Variants in CEP170 observed in about 807,000 individuals in gnomAD.
CEP170 encodes centrosomal protein of 170 kDa.
Under a neutral mutation model 151.9 loss-of-function variants are expected in CEP170, and 21 were observed. That is an observed-to-expected ratio of 0.14 (90% CI 0.10 to 0.20). CEP170 has a LOEUF of 0.20. Ranked by LOEUF, CEP170 falls within the 10% of genes least tolerant of loss-of-function variation. CEP170 has a pLI of 1.00. For missense variants in CEP170, 964 were observed against 1,892.9 expected, an observed-to-expected ratio of 0.51 and a Z score of 9.11; for synonymous variants, 356 against 648.8, an observed-to-expected ratio of 0.55 and a Z score of 6.86.
chr1:243,170,513 G>A (rs2058755377), intron 11 of CEP170, among the ~76,000 whole-genome samples: 1 of 152,210 alleles, frequency 6.6e-6, no homozygotes, highest in African/African-American at 2.4e-5. Context: ...GTAAGTACAG[G>A]CCAGGTGTGG....
intron 4 of CEP170, among the ~76,000 whole-genome samples, chr1:243,208,916 T>C (rs879752471): frequency 5.9e-5 from 9 of 151,822 alleles, no homozygotes; most frequent in Non-Finnish European, 1.3e-4. Flanking sequence ...ATTTAATAAA[T>C]AATTAGGAAA....
At chr1:243,189,331 TGG>T (rs2060135117) in intron 8 of CEP170, among the ~76,000 whole-genome samples, 2 of 151,744 alleles carry the variant, frequency 1.3e-5, no homozygotes, top group East Asian at 3.9e-4. Context: ...CTAAGGTGGG[TGG>T]ATCACGAGGT....
At chr1:243,242,376 G>A (rs945334602) in intron 1 of CEP170, among the ~76,000 whole-genome samples, 6 of 151,942 alleles carry the variant, frequency 3.9e-5, no homozygotes, top group African/African-American at 9.7e-5. Flanking sequence ...CCGCCACCAC[G>A]CCCGGCTAAT....
intron 1 of CEP170, among the ~76,000 whole-genome samples, chr1:243,241,431 T>C (rs184616271): frequency 6.6e-6 from 1 of 152,194 alleles, no homozygotes; most frequent in Non-Finnish European, 1.5e-5. Context: ...TCTATAAAGG[T>C]ATTTTAAAAT....
chr1:243,240,264 C>T (rs939479486), intron 1 of CEP170, among the ~76,000 whole-genome samples: 3 of 152,056 alleles, frequency 2.0e-5, no homozygotes, highest in South Asian at 2.1e-4. Context: ...GAGCTGAGAT[C>T]ACGCCATTGC....
chr1:243,161,392 G>A (rs992769577), intron 13 of CEP170, among the ~76,000 whole-genome samples: 2 of 151,376 alleles, frequency 1.3e-5, no homozygotes, highest in Non-Finnish European at 2.9e-5. Context: ...TTACATCAGA[G>A]AAACATACAG....
intron 2 of CEP170, 85 bp from the exon 3 acceptor site, chr1:243,221,898 T>C (rs1282102787): frequency 1.7e-6 from 2 of 1,170,080 alleles, no homozygotes; most frequent in Admixed American, 5.0e-5. Flanking sequence ...CTAATATTAA[T>C]AGGACAGTAA....
chr1:243,164,877 G>A lies in CEP170; in HGVS notation c.3083C>T (p.Thr1028Ile), dbSNP rs1316982348. 2.5e-6 allele frequency: 4 copies of A among 1,613,664 alleles called. No homozygotes were observed. The highest frequency in any genetic ancestry group is 1.1e-5 in the South Asian group (1 of 91,076). The change falls in exon 13 of 20, where the codon ACC becomes ATC. Residue 1028 changes from threonine (T) to isoleucine (I), a missense_variant. Transcript: ENST00000366542. Reference sequence around the variant, plus strand: ...GATGGCAGAATGAGGTACACTAGAGGTTTGGTCATCATCTGTTAAGTCTAC... The same window carrying A: ...GATGGCAGAATGAGGTACACTAGAGATTTGGTCATCATCTGTTAAGTCTAC... ...PSVDLTDDDQTSSVPHSAISD... is the reference protein window; with the variant it reads ...PSVDLTDDDQISSVPHSAISD...
At chr1:243,169,013 T>C (rs962850258) in intron 12 of CEP170, among the ~76,000 whole-genome samples, 2 of 150,312 alleles carry the variant, frequency 1.3e-5, no homozygotes, top group African/African-American at 4.9e-5. Context: ...ATAATATATA[T>C]GTGCTTCATC....
At chr1:243,209,415 G>C (rs2061627160) in intron 4 of CEP170, among the ~76,000 whole-genome samples, 1 of 151,994 alleles carries the variant, frequency 6.6e-6, no homozygotes, top group Non-Finnish European at 1.5e-5. Context: ...TTGAACTCCT[G>C]ACCTCAACTG....
Position 243,124,739 on chromosome 1 carries a change from G to A in CEP170, c.*1710C>T, listed in dbSNP as rs919255093. ...TTTTGTCCAACTTTTTCTTCAAATG[G>A]ATTGACCCTGTTTTAACATTTCGTT... On this transcript the variant is annotated 3_prime_UTR_variant, in exon 20 of 20. Transcript: ENST00000366542. 3.3e-5 allele frequency: 5 copies of A among 152,500 alleles called. No individual in the cohort carries two copies. Among genetic ancestry groups the A allele is most frequent in the African/African-American group, 1.2e-4 (5 of 41,418 alleles). 9.4% of individuals were successfully genotyped at this position (152,500 alleles called of 1,614,324 possible).
intron 10 of CEP170, among the ~76,000 whole-genome samples, chr1:243,175,550 A>G (rs1163345312): frequency 1.3e-5 from 2 of 152,250 alleles, no homozygotes; most frequent in African/African-American, 4.8e-5. Flanking sequence ...TACTGTCTAT[A>G]TACTTAAAGT....
rs866129810 is a variant in CEP170, at chr1:243,159,763, T to G, written c.3677-3308A>C. Among the ~76,000 whole-genome samples the G allele has an allele frequency of 1.3e-4, 17 of 127,160 alleles. No individual in the cohort carries two copies. In the East Asian group the frequency reaches 1.4e-3, roughly 11 times the overall value. The allele number at this position is 127,160 out of a possible 152,430, so 83.4% of individuals were successfully genotyped here. A position where few individuals can be genotyped will look rare whatever the true frequency, so the allele number is the denominator to read the frequency against. ...ACATTCTACATTTTTGTTTCCGGTT[T>G]TGTGTGTGTGTGTGTGTGTGTGTGT... On this transcript the variant is annotated intron_variant, in intron 13 of 19. Coordinates refer to ENST00000366542, the MANE Select transcript of CEP170 (RefSeq NM_014812.3).
chr1:243,153,818 T>C (rs1009751649), intron 14 of CEP170, among the ~76,000 whole-genome samples: 3 of 152,240 alleles, frequency 2.0e-5, no homozygotes, highest in African/African-American at 7.2e-5. Context: ...TTACTGTAGA[T>C]AATCTTCCAG....
intron 1 of CEP170, among the ~76,000 whole-genome samples, chr1:243,226,157 ATCTC>A (rs1558646165): frequency 1.5e-5 from 2 of 132,172 alleles, no homozygotes; most frequent in African/African-American, 5.6e-5. Flanking sequence ...GTACATGTCT[ATCTC>A]TCTATAGATA....
intron 4 of CEP170, among the ~76,000 whole-genome samples, chr1:243,204,950 T>C (rs2061314238): frequency 6.6e-6 from 1 of 151,978 alleles, no homozygotes; most frequent in Non-Finnish European, 1.5e-5. Context: ...TGATACAATG[T>C]TTTACAAGAC....
intron 3 of CEP170, among the ~76,000 whole-genome samples, chr1:243,217,681 AAG>A (rs1408029682): frequency 6.6e-6 from 1 of 152,246 alleles, no homozygotes; most frequent in Non-Finnish European, 1.5e-5. Context: ...ACCAATGGGA[AAG>A]AGAAAATTTC....
chr1:243,238,960 G>A (rs2064524382), intron 1 of CEP170, among the ~76,000 whole-genome samples: 1 of 152,274 alleles, frequency 6.6e-6, no homozygotes, highest in African/African-American at 2.4e-5. Flanking sequence ...CTCTTTGAAA[G>A]TGTCTACTTT....
intron 8 of CEP170, among the ~76,000 whole-genome samples, chr1:243,190,673 A>G (rs1351451008): frequency 6.6e-6 from 1 of 152,214 alleles, no homozygotes; most frequent in African/African-American, 2.4e-5. Context: ...AATTGAATAT[A>G]TCTTTTCCTT....
Sources: gnomAD v4.1 joint callset for allele counts (sites outside exome capture counted in the v4.1 genomes callset) on GRCh38, gnomAD v4.1.1 for gene constraint, MANE v1.5 for transcripts, NCBI Gene and HGNC (gene_info 2026-07-23, HGNC 2026-07-21) for gene names.